MEGF10: variants seen among roughly 807,000 people sequenced by gnomAD.
MEGF10 encodes multiple epidermal growth factor-like domains protein 10.
MEGF10 carries 86 observed loss-of-function variants against 147.5 expected under a neutral mutation model. The observed-to-expected ratio is 0.58, with a 90% CI of 0.49 to 0.70. MEGF10 has a LOEUF of 0.70. MEGF10 is among the 30% of genes least tolerant of loss of function. MEGF10 has a pLI of 0.00. For missense variants in MEGF10, 1,329 were observed against 1,487.3 expected (o/e 0.89, Z 1.75); for synonymous variants, 478 against 525.5 (o/e 0.91, Z 1.24).
intron 9 of MEGF10, among the ~76,000 whole-genome samples, chr5:127,416,289 A>C (rs1056914312): frequency 6.6e-6 from 1 of 151,262 alleles, no homozygotes; most frequent in African/African-American, 2.4e-5. Flanking sequence ...CAGCCTCCCA[A>C]AGTGCTGGGA....
rs749849626 is a variant in MEGF10, at chr5:127,422,762, C to G, written c.1683C>G (p.Pro561=). The G allele has an allele frequency of 4.3e-6, 7 of 1,613,516 alleles. No homozygotes were observed. Among genetic ancestry groups the G allele is most frequent in the Non-Finnish European group, 5.9e-6 (7 of 1,179,764 alleles). ...HPTTGHCRCL[P]GWSGVHCDSV... ...CCACGGGCCATTGCCGCTGCCTCCC[C>G]GGATGGTCAGGTGAGAGCCAAGGAC... is the stretch of plus-strand genomic sequence containing the variant. Residue 561 remains proline, a synonymous_variant, in exon 13 of 25, where the codon CCC becomes CCG. Transcript: ENST00000503335.
At chr5:127,396,225 A>T (rs1580811942) in intron 5 of MEGF10, among the ~76,000 whole-genome samples, 1 of 152,094 alleles carries the variant, frequency 6.6e-6, no homozygotes, top group Non-Finnish European at 1.5e-5. Context: ...CCCCTAGCCC[A>T]CTTCTCTAGC....
the MEGF10 span, among the ~76,000 whole-genome samples, chr5:127,230,622 C>T: frequency 6.6e-6 from 1 of 152,136 alleles, no homozygotes; most frequent in Non-Finnish European, 1.5e-5. Flanking sequence ...TGACCAAGAA[C>T]GGTTATATTC....
chr5:127,258,734 C>T, the MEGF10 span, among the ~76,000 whole-genome samples: 3 of 152,278 alleles, frequency 2.0e-5, no homozygotes, highest in East Asian at 5.8e-4. Flanking sequence ...CTCTCTCTTG[C>T]TCTCTCCTGT....
chr5:127,318,355 G>A (rs1360980367), intron 1 of MEGF10, among the ~76,000 whole-genome samples: 1 of 152,144 alleles, frequency 6.6e-6, no homozygotes, highest in South Asian at 2.1e-4. Flanking sequence ...GTCAAACTGA[G>A]GGATAAAAAC....
chr5:127,247,570 C>T, the MEGF10 span, among the ~76,000 whole-genome samples: 1 of 151,742 alleles, frequency 6.6e-6, no homozygotes, highest in Non-Finnish European at 1.5e-5. Flanking sequence ...ATTTACAGGC[C>T]ATAATGGAGT....
At chr5:127,276,352 A>T in the MEGF10 span, among the ~76,000 whole-genome samples, 2 of 152,244 alleles carry the variant, frequency 1.3e-5, no homozygotes, top group Non-Finnish European at 2.9e-5. Context: ...GGCTAATATG[A>T]ATTCCCTGGG....
chr5:127,264,537 C>A, the MEGF10 span, among the ~76,000 whole-genome samples: 1 of 152,088 alleles, frequency 6.6e-6, no homozygotes, highest in Admixed American at 6.6e-5. Flanking sequence ...AAGGTTGGAT[C>A]TAGAAGTCAA....
At chr5:127,447,714 G>A in intron 21 of MEGF10, 30 bp downstream of exon 21, 1 of 1,613,450 alleles carries the variant, frequency 6.2e-7, no homozygotes, top group Non-Finnish European at 8.5e-7. Flanking sequence ...GTCTTTGGAA[G>A]TGGGCTGGGG....
chr5:127,432,923 G>A (rs1256887885), intron 13 of MEGF10, among the ~76,000 whole-genome samples: 1 of 152,124 alleles, frequency 6.6e-6, no homozygotes, highest in Non-Finnish European at 1.5e-5. Context: ...TTTCATCCAG[G>A]GGAGGGTTTT....
chr5:127,400,046 G>T (rs914124036), intron 7 of MEGF10, among the ~76,000 whole-genome samples: 12 of 152,324 alleles, frequency 7.9e-5, no homozygotes, highest in African/African-American at 2.6e-4. Flanking sequence ...AGTAGAATTG[G>T]TCTGGTATTG....
intron 5 of MEGF10, among the ~76,000 whole-genome samples, chr5:127,382,678 A>G (rs2126887931): frequency 6.6e-6 from 1 of 152,298 alleles, no homozygotes; most frequent in South Asian, 2.1e-4. Flanking sequence ...AGAGATTAGG[A>G]AAATATTTTT....
chr5:127,232,363 G>T, the MEGF10 span, among the ~76,000 whole-genome samples: 361 of 152,252 alleles, frequency 2.4e-3, 2 homozygotes, highest in Non-Finnish European at 3.9e-3. Context: ...GCTGAATGGA[G>T]CTTTAAAGTG....
At chr5:127,255,527 G>A in the MEGF10 span, among the ~76,000 whole-genome samples, 1 of 152,268 alleles carries the variant, frequency 6.6e-6, no homozygotes, top group South Asian at 2.1e-4. Flanking sequence ...AGGAATGAGT[G>A]AGGACAGCCA....
chr5:127,450,628 T>A (rs1388651368), intron 22 of MEGF10, among the ~76,000 whole-genome samples: 1 of 152,150 alleles, frequency 6.6e-6, no homozygotes, highest in Non-Finnish European at 1.5e-5. Flanking sequence ...AAGCAACACA[T>A]TTTTTTGTAT....
chr5:127,256,237 T>C, the MEGF10 span, among the ~76,000 whole-genome samples: 1 of 152,196 alleles, frequency 6.6e-6, no homozygotes, highest in African/African-American at 2.4e-5. Flanking sequence ...AAAAATTTCC[T>C]CCAATCTATT....
chr5:127,396,835 C>A, intron 6 of MEGF10, 57 bp downstream of exon 6: 1 of 1,570,492 alleles, frequency 6.4e-7, no homozygotes, highest in Admixed American at 1.8e-5. Flanking sequence ...TCCATTCATG[C>A]TGCTGCTGCC....
intron 1 of MEGF10, among the ~76,000 whole-genome samples, chr5:127,313,909 A>G (rs2126745321): frequency 6.6e-6 from 1 of 152,340 alleles, no homozygotes. Context: ...TAAGAAGGGC[A>G]AGACTTTCTG....
intron 1 of MEGF10, among the ~76,000 whole-genome samples, chr5:127,319,558 A>T (rs1241617614): frequency 6.6e-6 from 1 of 152,184 alleles, no homozygotes; most frequent in African/African-American, 2.4e-5. Context: ...AAATTAGGAG[A>T]TGTCAGTTTA....
Sources: gnomAD v4.1 joint callset for allele counts (sites outside exome capture counted in the v4.1 genomes callset) on GRCh38, gnomAD v4.1.1 for gene constraint, MANE v1.5 for transcripts, NCBI Gene and HGNC (gene_info 2026-07-23, HGNC 2026-07-21) for gene names.